Variants in GABRR1 observed in about 807,000 individuals in gnomAD.
The protein encoded by GABRR1 is gamma-aminobutyric acid receptor subunit rho-1.
In GABRR1, 59 loss-of-function variants were observed where a neutral mutation model predicts 55.5. That is an observed-to-expected ratio of 1.06 (90% CI 0.86 to 1.32). The LOEUF (loss-of-function observed/expected upper bound fraction) is 1.32, where lower values mean the gene tolerates loss of function less well. Ranked by LOEUF, GABRR1 falls within the 40% of genes most tolerant of loss-of-function variation. The probability of loss-of-function intolerance (pLI) is 0.00; values close to 1 mark genes in which losing one functional copy is unlikely to be tolerated. For synonymous variants in GABRR1, 213 were observed against 226.0 expected, an observed-to-expected ratio of 0.94 and a Z score of 0.51; for missense variants, 602 against 619.1, an observed-to-expected ratio of 0.97 and a Z score of 0.29.
At chr6:89,190,737 T>C (rs140633788) in intron 5 of GABRR1, among the ~76,000 whole-genome samples, 44 of 152,360 alleles carry the variant, frequency 2.9e-4, no homozygotes, top group Admixed American at 7.2e-4. Context: ...TATTTTTATA[T>C]TGATAATAGT....
chr6:89,179,320 A>G (rs920445503), intron 9 of GABRR1, among the ~76,000 whole-genome samples: 2 of 152,106 alleles, frequency 1.3e-5, no homozygotes, highest in African/African-American at 2.4e-5. Context: ...CTGGGGTTCA[A>G]GTGATTCTCT....
intron 9 of GABRR1, 47 bp downstream of exon 9, chr6:89,180,245 A>G (rs761328506): frequency 3.9e-5 from 62 of 1,576,348 alleles, no homozygotes; most frequent in Non-Finnish European, 5.3e-5. Flanking sequence ...CCAGAGCTAG[A>G]TCAGGTTCCA....
At chr6:89,196,678 G>A (rs151328179) in intron 5 of GABRR1, among the ~76,000 whole-genome samples, 1 of 151,986 alleles carries the variant, frequency 6.6e-6, no homozygotes, top group Non-Finnish European at 1.5e-5. Flanking sequence ...TTGGGAGGCT[G>A]AGGTCAGATT....
At chr6:89,179,869 G>A (rs1188278470) in intron 9 of GABRR1, among the ~76,000 whole-genome samples, 3 of 152,124 alleles carry the variant, frequency 2.0e-5, no homozygotes, top group Admixed American at 1.3e-4. Context: ...CATGCATGAG[G>A]TTACATATGA....
chr6:89,187,839 A>C (rs1281372464), intron 6 of GABRR1, among the ~76,000 whole-genome samples: 3 of 152,190 alleles, frequency 2.0e-5, no homozygotes, highest in Non-Finnish European at 2.9e-5. Flanking sequence ...CACTGTATGC[A>C]GATACTGCAT....
intron 1 of GABRR1, 96 bp downstream of exon 1, chr6:89,217,105 T>C (rs1011763771): frequency 1.5e-6 from 2 of 1,375,546 alleles, no homozygotes; most frequent in Admixed American, 2.2e-5. Context: ...CAAAACACCA[T>C]ACGCTGGAAA....
chr6:89,192,869 C>T (rs765116103), intron 5 of GABRR1, among the ~76,000 whole-genome samples: 1 of 152,124 alleles, frequency 6.6e-6, no homozygotes, highest in Non-Finnish European at 1.5e-5. Context: ...CTCATTGACT[C>T]TTTTATATCT....
In GABRR1 at chr6:89,180,432, G is replaced by T. The variant is rs1771681779; in HGVS notation, c.1006C>A (p.Pro336Thr). The change falls in exon 9 of 10, where the codon CCG becomes ACG. Residue 336 changes from proline (P) to threonine (T), a missense_variant. Physicochemically the swap from Pro to Thr is conservative, Grantham distance 38 (BLOSUM62 -1). Around this residue, in one of 3 missense-constraint regions of GABRR1, gnomAD observed 28 missense variants for 53.9 expected, o/e 0.52. Transcript: ENST00000454853. ...ACGGCCTTGATGTAGGAGACGCGCG[G>T]CATGGAGGCATTCACGCCCGTGATG... ...TIITGVNASMPRVSYIKAVDI... is the reference protein window; with the variant it reads ...TIITGVNASMTRVSYIKAVDI... The T allele has an allele frequency of 6.2e-7, 1 of 1,613,852 alleles. No homozygotes were observed. The highest frequency in any genetic ancestry group is 1.3e-5 in the African/African-American group (1 of 74,894).
At chr6:89,206,618 C>CTT (rs139149933) in intron 1 of GABRR1, among the ~76,000 whole-genome samples, 1 of 145,458 alleles carries the variant, frequency 6.9e-6, no homozygotes. Flanking sequence ...AGAGACTGTA[C>CTT]TTTTTTTTTT....
intron 2 of GABRR1, among the ~76,000 whole-genome samples, chr6:89,201,959 G>C (rs1582395197): frequency 6.6e-6 from 1 of 152,088 alleles, no homozygotes; most frequent in East Asian, 1.9e-4. Flanking sequence ...AAGTGCCTCA[G>C]CCTTTTGAGG....
At chr6:89,204,781 T>C in intron 1 of GABRR1, 5 of 578,480 alleles carry the variant, frequency 8.6e-6, no homozygotes, top group Non-Finnish European at 1.0e-5. Flanking sequence ...CCTGTTTACA[T>C]GCCCATGTAA....
intron 1 of GABRR1, among the ~76,000 whole-genome samples, chr6:89,215,778 AC>A (rs1488631281): frequency 6.6e-6 from 1 of 152,192 alleles, no homozygotes; most frequent in Non-Finnish European, 1.5e-5. Context: ...TTTTGTATGT[AC>A]CCCATTAATA....
chr6:89,190,161 T>C lies in GABRR1; in HGVS notation c.655+4A>G, dbSNP rs1429797252. The C allele has an allele frequency of 6.2e-7, 1 of 1,606,314 alleles. No individual in the cohort carries two copies. Among genetic ancestry groups the C allele is most frequent in the East Asian group, 2.2e-5 (1 of 44,546 alleles). Reference sequence around the variant, plus strand: ...TGCTGATGCCCGGGGACAAGTCTACTCACAGCTTTCAATTTCAAGAGAGCA... The same window carrying C: ...TGCTGATGCCCGGGGACAAGTCTACCCACAGCTTTCAATTTCAAGAGAGCA... On this transcript the variant is annotated splice_donor_region_variant and intron_variant, in intron 6 of 9. Coordinates refer to ENST00000454853, the MANE Select transcript of GABRR1 (RefSeq NM_002042.5).
rs1582382350 is a variant in GABRR1, at chr6:89,190,241, T to C, written c.579A>G (p.Thr193=). 2 of 1,605,550 alleles carry C rather than the reference T, an allele frequency of 1.2e-6. No individual in the cohort carries two copies. Among genetic ancestry groups the C allele is most frequent in the East Asian group, 2.3e-5 (1 of 44,340 alleles). ...DGKVLYSLRV[T]VTAMCNMDFS... ...AGTCCATGTTGCACATTGCAGTTAC[T>C]GTAACCCTAGGGCCAAAAAGACAAA... Residue 193 remains threonine (T), a synonymous_variant, in exon 6 of 10, where the codon ACA becomes ACG. Coordinates refer to ENST00000454853, the MANE Select transcript of GABRR1 (RefSeq NM_002042.5).
chr6:89,196,865 AAGAAAGAAAGAAAGAG>A (rs1343282872), intron 5 of GABRR1, among the ~76,000 whole-genome samples: 111 of 138,252 alleles, frequency 8.0e-4, no homozygotes, highest in Middle Eastern at 3.5e-3. Context: ...GAAAGAAAGA[AAGAAAGAAAGAAAGAG>A]AAGAGAAGAA....
intron 1 of GABRR1, among the ~76,000 whole-genome samples, chr6:89,207,341 T>C (rs1772682774): frequency 6.6e-6 from 1 of 152,058 alleles, no homozygotes; most frequent in Admixed American, 6.6e-5. Flanking sequence ...ATTACAGGCA[T>C]GTGCCACCAT....
intron 1 of GABRR1, among the ~76,000 whole-genome samples, chr6:89,222,724 C>T (rs746939473): frequency 9.2e-5 from 14 of 152,150 alleles, no homozygotes; most frequent in African/African-American, 2.9e-4. Flanking sequence ...TATTAATTTA[C>T]GATCATGACA....
Position 89,190,328 on chromosome 6 carries a change from T to G in GABRR1, c.573-81A>C. 3 of 897,710 alleles carry G rather than the reference T, an allele frequency of 3.3e-6. No individual in the cohort carries two copies. The South Asian group carries it at 4.8e-5, about 14-fold the overall frequency. 55.6% of individuals were successfully genotyped at this position (897,710 alleles called of 1,614,324 possible). On this transcript the variant is annotated intron_variant, in intron 5 of 9. Transcript: ENST00000454853. ...AATGATAAATGGAAAAGGCCTCTGCTTCCTTCCAATATGATAGATGCCTCT... is the reference window on the plus strand; with the variant it reads ...AATGATAAATGGAAAAGGCCTCTGCGTCCTTCCAATATGATAGATGCCTCT...
intron 1 of GABRR1, among the ~76,000 whole-genome samples, chr6:89,222,462 A>G (rs1773128845): frequency 6.6e-6 from 1 of 152,228 alleles, no homozygotes; most frequent in South Asian, 2.1e-4. Flanking sequence ...AAAACAAAGA[A>G]GGGACAAAAC....
Sources: allele counts gnomAD v4.1 joint callset (sites outside exome capture counted in the v4.1 genomes callset), GRCh38; gene constraint gnomAD v4.1.1; regional missense constraint gnomAD v4.1.1; transcripts MANE v1.5; gene names NCBI Gene and HGNC (gene_info 2026-07-23, HGNC 2026-07-21).